The following COP1 variants were observed in gnomAD, a reference collection of about 807,000 sequenced individuals.
COP1 encodes COP1 E3 ubiquitin ligase.
A neutral mutation model predicts 101.3 loss-of-function variants in COP1; 24 were observed. That is an observed-to-expected ratio of 0.24 (90% CI 0.17 to 0.33). The LOEUF is 0.33. COP1 is among the 10% of genes least tolerant of loss of function. The pLI, the probability that COP1 is intolerant of heterozygous loss-of-function variation, is 1.00. For synonymous variants in COP1, 347 were observed against 341.9 expected, an observed-to-expected ratio of 1.01 and a Z score of -0.17; for missense variants, 663 against 906.2, an observed-to-expected ratio of 0.73 and a Z score of 3.45.
intron 18 of COP1, among the ~76,000 whole-genome samples, chr1:175,959,765 T>G (rs994824521): frequency 1.3e-5 from 2 of 152,070 alleles, no homozygotes; most frequent in Non-Finnish European, 2.9e-5. Context: ...GAAAACTGAG[T>G]GTCTCTCATC....
rs376226242 is a variant in COP1 at position 176,112,681 on chromosome 1, A to T, written c.1026+3943T>A. On this transcript the variant is annotated intron_variant, in intron 9 of 19. Transcript: ENST00000367669. Reference sequence around the variant, plus strand: ...TCACCTAATCTAACTGTATTTTTGTACCCATTAAGCAAGTTCTCTCCATTC... The same window carrying T: ...TCACCTAATCTAACTGTATTTTTGTTCCCATTAAGCAAGTTCTCTCCATTC... Among the ~76,000 whole-genome samples, 9 of 152,220 alleles carry T rather than the reference A, an allele frequency of 5.9e-5. No homozygotes were observed. The South Asian group carries it at 1.7e-3, about 28-fold the overall frequency.
At chr1:176,054,080 T>C (rs1673035913) in intron 11 of COP1, among the ~76,000 whole-genome samples, 1 of 151,990 alleles carries the variant, frequency 6.6e-6, no homozygotes, top group Non-Finnish European at 1.5e-5. Flanking sequence ...CCTCATCCAC[T>C]CACTCTTGAA....
chr1:175,979,499 T>TA (rs66686930), intron 18 of COP1, among the ~76,000 whole-genome samples: 99,051 of 146,332 alleles, frequency 0.68, 34,478 homozygotes, highest in East Asian at 0.92. Context: ...GATATGCCTT[T>TA]AAAAAAAAAA....
At chr1:176,077,609 T>C (rs1010510851) in intron 11 of COP1, among the ~76,000 whole-genome samples, 1 of 152,058 alleles carries the variant, frequency 6.6e-6, no homozygotes, top group Admixed American at 6.5e-5. Flanking sequence ...GGATGCCCAC[T>C]TTCACCACTC....
chr1:176,086,228 T>TC (rs1491573274), intron 9 of COP1, among the ~76,000 whole-genome samples: 2 of 3,016 alleles, frequency 6.6e-4, no homozygotes, highest in Admixed American at 2.9e-3. Context: ...GGAATCTTTC[T>TC]TTTTTTTTTT....
chr1:176,023,039 G>C lies in COP1; in HGVS notation c.1729+4533C>G, dbSNP rs541652797. Among the ~76,000 whole-genome samples the C allele has an allele frequency of 1.7e-3, 253 of 152,222 alleles. 1 individual carries two copies. Among genetic ancestry groups the C allele is most frequent in the Non-Finnish European group, 9.3e-4 (63 of 68,012 alleles). ...CCAGTGTCTAGTTTCTAGCTTTGTGGGAGTTGTAGTGAAGGATTCCTGATT... is the reference window on the plus strand; with the variant it reads ...CCAGTGTCTAGTTTCTAGCTTTGTGCGAGTTGTAGTGAAGGATTCCTGATT... On this transcript the variant is annotated intron_variant, in intron 15 of 19. Transcript: ENST00000367669.
intron 18 of COP1, among the ~76,000 whole-genome samples, chr1:175,967,326 T>C (rs1399183470): frequency 4.6e-5 from 7 of 152,118 alleles, no homozygotes; most frequent in Non-Finnish European, 1.0e-4. Context: ...TCATCTCTAC[T>C]AAAAATACAA....
intron 1 of COP1, among the ~76,000 whole-genome samples, chr1:176,200,068 T>C (rs1700110620): frequency 6.6e-6 from 1 of 152,180 alleles, no homozygotes; most frequent in South Asian, 2.1e-4. Context: ...GTACCACCAT[T>C]ATTAACCGTG....
chr1:175,965,772 C>T (rs116288987), intron 18 of COP1, among the ~76,000 whole-genome samples: 5,118 of 151,874 alleles, frequency 0.034, 117 homozygotes, highest in Non-Finnish European at 0.047. Context: ...TATTTGGAGA[C>T]GGGGTTTCAT....
intron 5 of COP1, among the ~76,000 whole-genome samples, chr1:176,158,796 T>C (rs1693864253): frequency 1.3e-5 from 2 of 151,984 alleles, no homozygotes; most frequent in African/African-American, 4.8e-5. Flanking sequence ...CACACCGCCA[T>C]ACCCAGCTAA....
intron 15 of COP1, among the ~76,000 whole-genome samples, chr1:176,022,528 AT>A: frequency 6.6e-6 from 1 of 152,350 alleles, no homozygotes; most frequent in African/African-American, 2.4e-5. Context: ...AAACAGTGTT[AT>A]TTCATAAAGA....
intron 6 of COP1, among the ~76,000 whole-genome samples, chr1:176,139,279 C>CAAAAA (rs201417535): frequency 8.0e-6 from 1 of 124,900 alleles, no homozygotes; most frequent in Non-Finnish European, 1.7e-5. Flanking sequence ...AAAACAAAAA[C>CAAAAA]AAAAAAAACA....
At chr1:176,082,155 C>T (rs1455427058) in intron 10 of COP1, among the ~76,000 whole-genome samples, 1 of 152,156 alleles carries the variant, frequency 6.6e-6, no homozygotes, top group Non-Finnish European at 1.5e-5. Context: ...AGCACTGTGT[C>T]GTTTGAACAT....
At chr1:176,157,241 A>G (rs1693611470) in intron 5 of COP1, among the ~76,000 whole-genome samples, 1 of 152,188 alleles carries the variant, frequency 6.6e-6, no homozygotes, top group South Asian at 2.1e-4. Context: ...CCCACACTAC[A>G]TAATCATATT....
At chr1:176,121,562 C>G (rs1687125578) in intron 8 of COP1, among the ~76,000 whole-genome samples, 1 of 152,136 alleles carries the variant, frequency 6.6e-6, no homozygotes, top group Non-Finnish European at 1.5e-5. Context: ...GTCACCCAGG[C>G]TGGAGTGCAG....
chr1:175,978,679 A>G (rs184208396), intron 18 of COP1, among the ~76,000 whole-genome samples: 113 of 152,270 alleles, frequency 7.4e-4, no homozygotes, highest in African/African-American at 2.6e-3. Flanking sequence ...GCTCATTCAG[A>G]TTGGCCCTCT....
intron 5 of COP1, among the ~76,000 whole-genome samples, chr1:176,156,029 G>A (rs1053992643): frequency 6.6e-6 from 1 of 151,764 alleles, no homozygotes; most frequent in Non-Finnish European, 1.5e-5. Flanking sequence ...GGTCTGGTGG[G>A]TTTTTGTTCT....
chr1:176,020,894 G>A (rs1370148155), intron 15 of COP1, among the ~76,000 whole-genome samples: 1 of 152,182 alleles, frequency 6.6e-6, no homozygotes, highest in Non-Finnish European at 1.5e-5. Flanking sequence ...TTTACAATGA[G>A]TTATAAAATA....
chr1:176,006,939 AGT>A (rs1192706818), intron 15 of COP1, among the ~76,000 whole-genome samples: 1 of 151,932 alleles, frequency 6.6e-6, no homozygotes, highest in Admixed American at 6.6e-5. Context: ...TATCCTGCAG[AGT>A]GTTTTCCAAC....
Sources: allele counts gnomAD v4.1 joint callset (sites outside exome capture counted in the v4.1 genomes callset), GRCh38; gene constraint gnomAD v4.1.1; transcripts MANE v1.5; gene names NCBI Gene and HGNC (gene_info 2026-07-23, HGNC 2026-07-21).